ATP10B: variants seen among roughly 807,000 people sequenced by gnomAD.
ATP10B encodes ATPase phospholipid transporting 10B (putative), also known as phospholipid-transporting ATPase VB.
A neutral mutation model predicts 141.2 loss-of-function variants in ATP10B; 122 were observed. The ratio of observed to expected loss-of-function variants is 0.86; its 90% CI spans 0.75 to 1.00. The LOEUF (loss-of-function observed/expected upper bound fraction) is 1.00, where lower values mean the gene tolerates loss of function less well. Among genes scored for constraint, ATP10B ranks in the 50% least tolerant of loss-of-function variants. ATP10B has a pLI of 0.00. For missense variants in ATP10B, 1,876 were observed against 1,825.3 expected (o/e 1.03, Z -0.51); for synonymous variants, 685 against 692.0 (o/e 0.99, Z 0.16).
At chr5:160,750,317 C>G (rs553141602) in intron 2 of ATP10B, among the ~76,000 whole-genome samples, 55 of 152,242 alleles carry the variant, frequency 3.6e-4, no homozygotes, top group African/African-American at 1.3e-3. Flanking sequence ...CTTAACCTGG[C>G]CTGACCAACC....
At chr5:160,567,240 TG>T (rs1293030363) in intron 25 of ATP10B, among the ~76,000 whole-genome samples, 1 of 152,208 alleles carries the variant, frequency 6.6e-6, no homozygotes, top group Non-Finnish European at 1.5e-5. Flanking sequence ...AGGTCCTTGC[TG>T]TCACGTAACA....
At chr5:160,890,927 T>C in the ATP10B span, among the ~76,000 whole-genome samples, 892 of 152,278 alleles carry the variant, frequency 5.9e-3, 7 homozygotes, top group African/African-American at 0.02. Context: ...CCAGGCTGAA[T>C]TGGACTGTTT....
chr5:160,873,568 T>A, the ATP10B span, among the ~76,000 whole-genome samples: 5 of 152,162 alleles, frequency 3.3e-5, no homozygotes, highest in Non-Finnish European at 7.3e-5. Flanking sequence ...GGTCTACAGC[T>A]CCCAGCGTGA....
chr5:160,683,203 A>T (rs1394616269), intron 6 of ATP10B, among the ~76,000 whole-genome samples: 1 of 152,168 alleles, frequency 6.6e-6, no homozygotes, highest in Non-Finnish European at 1.5e-5. Flanking sequence ...ACTAAATGTT[A>T]ACTCTGGCTG....
At chr5:160,653,462 T>C (rs1761091393) in intron 7 of ATP10B, among the ~76,000 whole-genome samples, 1 of 61,654 alleles carries the variant, frequency 1.6e-5, no homozygotes, top group Admixed American at 2.1e-4. Context: ...TATATATACA[T>C]ATGTACATAC....
At chr5:160,661,249 A>G (rs773932431) in intron 7 of ATP10B, among the ~76,000 whole-genome samples, 26 of 152,050 alleles carry the variant, frequency 1.7e-4, no homozygotes, top group Non-Finnish European at 2.9e-4. Flanking sequence ...AGGACAAACA[A>G]CCTGGTTTAT....
Position 160,785,655 on chromosome 5 carries a change from A to T in ATP10B, c.-427T>A. ...CTCATCTTTGTGTCCATGTGTAAGA[A>T]ATGGTAGTTTCTCATCTTGGCAGTG... On this transcript the variant is annotated 5_prime_UTR_variant, in exon 2 of 26. Coordinates refer to ENST00000327245, the MANE Select transcript of ATP10B (RefSeq NM_025153.3). The T allele has an allele frequency of 7.8e-7, 1 of 1,286,048 alleles. No individual in the cohort carries two copies. Among genetic ancestry groups the T allele is most frequent in the Non-Finnish European group, 1.0e-6 (1 of 986,008 alleles). 79.7% of individuals were successfully genotyped at this position (1,286,048 alleles called of 1,614,324 possible).
intron 18 of ATP10B, 109 bp from the exon 19 acceptor site, chr5:160,607,195 GATT>G: frequency 1.1e-6 from 1 of 883,504 alleles, no homozygotes; most frequent in African/African-American, 1.7e-5. Context: ...CTACCATAGA[GATT>G]ATTTACAAGC....
At chr5:160,593,220 C>A (rs1415660338) in intron 22 of ATP10B, among the ~76,000 whole-genome samples, 1 of 152,222 alleles carries the variant, frequency 6.6e-6, no homozygotes, top group East Asian at 1.9e-4. Context: ...TGAGACAAAA[C>A]TTCCAGAGGA....
chr5:160,564,278 C>T lies in ATP10B; in HGVS notation c.*1175G>A, dbSNP rs1192842764. On this transcript the variant is annotated 3_prime_UTR_variant, in exon 26 of 26. Transcript: ENST00000327245. ...CAGCAGACCTGGCTTCTTTGGACAG[C>T]CTATTAAAATTCTACTGTTCATTCC... The T allele has an allele frequency of 3.9e-5, 6 of 152,164 alleles. No individual in the cohort carries two copies. Among genetic ancestry groups the T allele is most frequent in the African/African-American group, 1.4e-4 (6 of 41,426 alleles). The allele number at this position is 152,164 out of a possible 1,614,324, so 9.4% of individuals were successfully genotyped here.
At chr5:160,824,300 G>A (rs2127966973) in intron 1 of ATP10B, among the ~76,000 whole-genome samples, 1 of 152,264 alleles carries the variant, frequency 6.6e-6, no homozygotes, top group South Asian at 2.1e-4. Context: ...ACAGGCTTGA[G>A]CCACTGCACC....
At chr5:160,573,002 GTTTA>G (rs1754973154) in intron 24 of ATP10B, among the ~76,000 whole-genome samples, 1 of 152,168 alleles carries the variant, frequency 6.6e-6, no homozygotes, top group African/African-American at 2.4e-5. Context: ...GTTTACCCAT[GTTTA>G]TGGATGCTTT....
rs1389154765 is a variant in ATP10B at position 160,652,803 on chromosome 5, TATATA to T, written c.676-3552_676-3548del. Among the ~76,000 whole-genome samples, 324 of 102,058 alleles carry T rather than the reference TATATA, an allele frequency of 3.2e-3. 7 individuals carry two copies. The highest frequency in any genetic ancestry group is 4.1e-3 in the Non-Finnish European group (234 of 56,826). 67.0% of individuals were successfully genotyped at this position (102,058 alleles called of 152,430 possible). The stretch of plus-strand genomic sequence containing the variant: ...ATATATATAAAAATATATAATATAT[TATATA>T]ATATATTATATATTAATTATATATA... On this transcript the variant is annotated intron_variant, in intron 7 of 25. Transcript: ENST00000327245.
intron 3 of ATP10B, among the ~76,000 whole-genome samples, chr5:160,709,783 CCA>C (rs1765262481): frequency 8.6e-6 from 1 of 116,534 alleles, no homozygotes; most frequent in South Asian, 3.5e-4. Context: ...ACCACAGTCC[CCA>C]GAGTGTGATA....
chr5:160,620,731 C>T lies in ATP10B; in HGVS notation c.2032G>A (p.Gly678Ser), dbSNP rs541488262. The T allele has an allele frequency of 7.4e-6, 12 of 1,614,208 alleles. No homozygotes were observed. Among genetic ancestry groups the T allele is most frequent in the African/African-American group, 2.7e-5 (2 of 75,070 alleles). The stretch of plus-strand genomic sequence containing the variant: ...TCCCACATGCTGCTCCTGTAGCCAC[C>T]GTCATCAGTGGAGTCACCTCCACTG... ...VCSGGDSTDD[G>S]GYRSSMWDQG... Residue 678 changes from glycine to serine, a missense_variant, in exon 15 of 26, where the codon GGT becomes AGT. Gly to Ser is a moderately conservative substitution (Grantham distance 56). Coordinates refer to ENST00000327245, the MANE Select transcript of ATP10B (RefSeq NM_025153.3).
At chr5:160,591,197 C>T in intron 22 of ATP10B, 58 bp from the exon 23 acceptor site, 2 of 1,469,664 alleles carry the variant, frequency 1.4e-6, no homozygotes, top group Non-Finnish European at 1.9e-6. Context: ...CTATTCTTTG[C>T]AAGCAACTTT....
At chr5:160,878,736 G>T in the ATP10B span, among the ~76,000 whole-genome samples, 1 of 152,290 alleles carries the variant, frequency 6.6e-6, no homozygotes, top group African/African-American at 2.4e-5. Flanking sequence ...GACATGAACA[G>T]ACACTTCTCA....
chr5:160,715,794 C>A (rs1021341325), intron 3 of ATP10B, among the ~76,000 whole-genome samples: 7 of 152,004 alleles, frequency 4.6e-5, no homozygotes, highest in South Asian at 4.1e-4. Context: ...TCACTGCAAC[C>A]TTTGCCTCCT....
chr5:160,907,268 G>A, the ATP10B span, among the ~76,000 whole-genome samples: 2 of 151,404 alleles, frequency 1.3e-5, no homozygotes, highest in Non-Finnish European at 2.9e-5. Context: ...GTTGCCTGTA[G>A]CCAAGGAACC....
Sources: allele counts gnomAD v4.1 joint callset (sites outside exome capture counted in the v4.1 genomes callset), GRCh38; gene constraint gnomAD v4.1.1; transcripts MANE v1.5; gene names NCBI Gene and HGNC (gene_info 2026-07-23, HGNC 2026-07-21).